Variants in MAN2B1 observed in about 807,000 individuals in gnomAD.
MAN2B1 encodes mannosidase alpha class 2B member 1, also known as lysosomal alpha-mannosidase.
MAN2B1 carries 99 observed loss-of-function variants against 127.5 expected under a neutral mutation model. The ratio of observed to expected loss-of-function variants is 0.78; its 90% CI spans 0.66 to 0.92. The LOEUF (loss-of-function observed/expected upper bound fraction) is 0.92, where lower values mean the gene tolerates loss of function less well. Ranked by LOEUF, MAN2B1 falls within the 40% of genes least tolerant of loss-of-function variation. The probability of loss-of-function intolerance (pLI) is 0.00; values close to 1 mark genes in which losing one functional copy is unlikely to be tolerated. For synonymous variants in MAN2B1, 573 were observed against 568.8 expected, an observed-to-expected ratio of 1.01 and a Z score of -0.11; for missense variants, 1,304 against 1,384.8, an observed-to-expected ratio of 0.94 and a Z score of 0.93.
At chr19:12,661,196 A>G (rs2024094118) in intron 7 of MAN2B1, 64 bp downstream of exon 7, 2 of 1,138,230 alleles carry the variant, frequency 1.8e-6, no homozygotes, top group East Asian at 2.3e-5. Context: ...CTATGCACAT[A>G]ACCCAAGGCC....
At position 12,658,090 on chromosome 19, in the gene MAN2B1, AG is replaced by A; in HGVS notation, c.1281del (p.Tyr428MetfsTer49). ...ALVGLAANVG[P>X]YGSGDSAPLN... ...AGGGGTGCACTGTCTCCGGAGCCAT[AG>A]GGTCCCACGTTGGCCGCCAGGCCCA... On this transcript the variant is annotated frameshift_variant, in exon 10 of 24. Coordinates refer to ENST00000456935, the MANE Select transcript of MAN2B1 (RefSeq NM_000528.4). LOFTEE classifies it high-confidence loss of function. The A allele has an allele frequency of 6.2e-7, 1 of 1,612,912 alleles. No homozygotes were observed. Among genetic ancestry groups the A allele is most frequent in the Non-Finnish European group, 8.5e-7 (1 of 1,179,914 alleles).
In MAN2B1 at chr19:12,652,201, T is replaced by A. The variant is rs1464132247; in HGVS notation, c.1998A>T (p.Gln666His). Residue 666 changes from glutamine to histidine, a missense_variant, in exon 16 of 24, where the codon CAA becomes CAT. Physicochemically the swap from Gln to His is conservative, Grantham distance 24. Coordinates refer to ENST00000456935, the MANE Select transcript of MAN2B1 (RefSeq NM_000528.4). Reference sequence around the variant, plus strand: ...AGCGGCTCACAGGCAGCGGTTTCTGTTGGTTGGGTCTGAAGATGTAGGCAC... The same window carrying A: ...AGCGGCTCACAGGCAGCGGTTTCTGATGGTTGGGTCTGAAGATGTAGGCAC... ...ASGAYIFRPNQQKPLPVSRWA... is the reference protein window; with the variant it reads ...ASGAYIFRPNHQKPLPVSRWA... The A allele has an allele frequency of 6.2e-7, 1 of 1,614,104 alleles. No individual in the cohort carries two copies. The highest frequency in any genetic ancestry group is 8.5e-7 in the Non-Finnish European group (1 of 1,180,016).
intron 18 of MAN2B1, 92 bp downstream of exon 18, chr19:12,649,820 TC>T: frequency 9.1e-7 from 1 of 1,099,130 alleles, no homozygotes. Flanking sequence ...GTCCTCTGTC[TC>T]CCACACTCAT....
chr19:12,666,626 G>A lies in MAN2B1; in HGVS notation c.76C>T (p.Arg26Cys). The A allele has an allele frequency of 1.3e-6, 2 of 1,556,346 alleles. No individual in the cohort carries two copies. The highest frequency in any genetic ancestry group is 1.7e-6 in the Non-Finnish European group (2 of 1,150,100). Residue 26 changes from arginine (R) to cysteine (C), a missense_variant, in exon 1 of 24, where the codon CGC becomes TGC. Coordinates refer to ENST00000456935, the MANE Select transcript of MAN2B1 (RefSeq NM_000528.4). ...LDSAGPWTMS[R>C]ALRPPLPPLC... ...GGCGGGAGCGGTGGCCGCAGGGCGC[G>A]GGACATGGTCCAGGGGCCTGCTGAG...
Position 12,647,826 on chromosome 19 carries a change from G to A in MAN2B1, c.2665-228C>T, listed in dbSNP as rs1418394526. Among the ~76,000 whole-genome samples the A allele has an allele frequency of 1.3e-5, 2 of 151,798 alleles. No individual in the cohort carries two copies. Among genetic ancestry groups the A allele is most frequent in the African/African-American group, 4.8e-5 (2 of 41,296 alleles). On this transcript the variant is annotated intron_variant, in intron 21 of 23. Coordinates refer to ENST00000456935, the MANE Select transcript of MAN2B1 (RefSeq NM_000528.4). The surrounding 1 kb of genome is among the most constrained non-coding windows in gnomAD (Gnocchi z 4.9). ...GTTCGAGTCCCGATGGAGCAGAACTGATGTGACCTGAGACTTTGGGAGTTA... is the reference window on the plus strand; with the variant it reads ...GTTCGAGTCCCGATGGAGCAGAACTAATGTGACCTGAGACTTTGGGAGTTA...
chr19:12,661,745 C>T (rs980890961), intron 6 of MAN2B1, among the ~76,000 whole-genome samples: 1 of 151,432 alleles, frequency 6.6e-6, no homozygotes, highest in African/African-American at 2.4e-5. Context: ...CCCAGCTACT[C>T]AGGAGACTGA....
rs545378214 is a variant in MAN2B1, at chr19:12,648,891, A to G, written c.2436+245T>C. Among the ~76,000 whole-genome samples, 4 of 152,328 alleles carry G rather than the reference A, an allele frequency of 2.6e-5. No homozygotes were observed. The South Asian group carries it at 8.3e-4, about 32-fold the overall frequency. Reference sequence around the variant, plus strand: ...GTGCCTGTAAGCCCAGCTACTCGGAAGGCTGAGGCAGGACAATCACTTGAA... The same window carrying G: ...GTGCCTGTAAGCCCAGCTACTCGGAGGGCTGAGGCAGGACAATCACTTGAA... On this transcript the variant is annotated intron_variant, in intron 20 of 23. Coordinates refer to ENST00000456935, the MANE Select transcript of MAN2B1 (RefSeq NM_000528.4).
At chr19:12,665,237 G>A in intron 3 of MAN2B1, 115 bp downstream of exon 3, 4 of 1,330,626 alleles carry the variant, frequency 3.0e-6, no homozygotes, top group Non-Finnish European at 2.1e-6. Flanking sequence ...CAGGCAGGCG[G>A]AGCGACACGC....
At chr19:12,666,425 A>G in intron 1 of MAN2B1, 118 bp downstream of exon 1, 2 of 1,157,770 alleles carry the variant, frequency 1.7e-6, no homozygotes, top group South Asian at 1.3e-5. Context: ...CTCAGACCAC[A>G]CTGTCATATC....
chr19:12,664,246 T>G (rs2024174965), intron 4 of MAN2B1, among the ~76,000 whole-genome samples: 3 of 151,988 alleles, frequency 2.0e-5, no homozygotes, highest in Admixed American at 2.0e-4. Flanking sequence ...CAAAAACACG[T>G]AGGGCTGAAA....
intron 14 of MAN2B1, among the ~76,000 whole-genome samples, chr19:12,654,008 C>T (rs28728275): frequency 0.061 from 9,245 of 151,794 alleles, 715 homozygotes; most frequent in African/African-American, 0.18. Context: ...CATGAGCCAA[C>T]GTGCCCACCC....
rs2023860278 is a variant in MAN2B1, at chr19:12,652,406, T to C, written c.1885A>G (p.Met629Val). 6.2e-7 allele frequency: 1 copy of C among 1,614,158 alleles called. No homozygotes were observed. The highest frequency in any genetic ancestry group is 1.3e-5 in the African/African-American group (1 of 75,034). ...ACAGGCAGCAGGAGTTGCTGATTCA[T>C]GTTCATAATCTCCATCAACAGCCCT... is the stretch of plus-strand genomic sequence containing the variant. Reference protein sequence around the residue: ...DTGLLMEIMNMNQQLLLPVRQ... With the variant: ...DTGLLMEIMNVNQQLLLPVRQ... Residue 629 changes from methionine (M) to valine (V), a missense_variant, in exon 15 of 24, where the codon ATG (methionine) becomes GTG (valine). Transcript: ENST00000456935.
chr19:12,651,616 G>A (rs1189454197), intron 16 of MAN2B1, among the ~76,000 whole-genome samples: 1 of 152,086 alleles, frequency 6.6e-6, no homozygotes, highest in South Asian at 2.1e-4. Context: ...CATGAAACGC[G>A]AGGCTCTTGA....
intron 20 of MAN2B1, 64 bp from the exon 21 acceptor site, chr19:12,648,466 A>G: frequency 8.2e-7 from 1 of 1,226,084 alleles, no homozygotes; most frequent in Non-Finnish European, 1.2e-6. Flanking sequence ...TGGGCCAGAA[A>G]CTGGGTAAGG....
chr19:12,657,006 G>A lies in MAN2B1; in HGVS notation c.1470C>T (p.Phe490=). 6.2e-7 allele frequency: 1 copy of A among 1,613,600 alleles called. No homozygotes were observed. The highest frequency in any genetic ancestry group is 8.5e-7 in the Non-Finnish European group (1 of 1,179,986). Residue 490 remains phenylalanine (F), a synonymous_variant, in exon 12 of 24, where the codon TTC becomes TTT. Transcript: ENST00000456935. The part of the protein sequence containing the change: ...LARLRGFKDH[F]TFCQQLNISI... ...TGATGTTTAGCTGTTGGCAAAAGGT[G>A]AAGTGATCTTTGAAGCCTCTGAGCC...
chr19:12,665,223 A>G, intron 3 of MAN2B1, 129 bp downstream of exon 3: 1 of 1,225,282 alleles, frequency 8.2e-7, no homozygotes, highest in South Asian at 1.2e-5. Context: ...CCAAATGGAG[A>G]GTCCAGGCAG....
At chr19:12,665,225 T>A in intron 3 of MAN2B1, 127 bp downstream of exon 3, 1 of 1,251,274 alleles carries the variant, frequency 8.0e-7, no homozygotes, top group Non-Finnish European at 1.2e-6. Context: ...AAATGGAGAG[T>A]CCAGGCAGGC....
chr19:12,663,304 A>T lies in MAN2B1; in HGVS notation c.909+13T>A. 1 of 1,614,202 alleles carries T rather than the reference A, an allele frequency of 6.2e-7. No individual in the cohort carries two copies. Among genetic ancestry groups the T allele is most frequent in the Non-Finnish European group, 8.5e-7 (1 of 1,180,030 alleles). On this transcript the variant is annotated intron_variant, in intron 6 of 23. Transcript: ENST00000456935. ...TATATACCGGACTCGAAGGTTCTGG[A>T]CACCAGGGTTACCTGGGCAGTGGCC...
intron 12 of MAN2B1, 91 bp from the exon 13 acceptor site, chr19:12,656,778 A>G: frequency 2.6e-6 from 3 of 1,139,932 alleles, no homozygotes; most frequent in Non-Finnish European, 4.0e-6. Context: ...GGCTGGTCCT[A>G]GTGTGGTCAC....
Sources: gnomAD v4.1 joint callset for allele counts (sites outside exome capture counted in the v4.1 genomes callset) on GRCh38, gnomAD v4.1.1 for gene constraint, Gnocchi (gnomAD v3.1) non-coding constraint, MANE v1.5 for transcripts, NCBI Gene and HGNC (gene_info 2026-07-23, HGNC 2026-07-21) for gene names.